The following FGF5 variants were observed in gnomAD, a reference collection of about 807,000 sequenced individuals.
The protein encoded by FGF5 is fibroblast growth factor 5, also known as heparin-binding growth factor 5.
Under a neutral mutation model 21.8 loss-of-function variants are expected in FGF5, and 23 were observed. The observed-to-expected ratio is 1.05, with a 90% confidence interval of 0.76 to 1.49. The LOEUF (loss-of-function observed/expected upper bound fraction) is 1.49, where lower values mean the gene tolerates loss of function less well. FGF5 is among the 40% of genes most tolerant of loss of function. FGF5 has a pLI of 0.00. For missense variants in FGF5, 352 were observed against 332.9 expected (o/e 1.06, Z -0.45); for synonymous variants, 158 against 124.0 (o/e 1.27, Z -1.82).
chr4:80,269,198 G>T (rs903272684), intron 1 of FGF5, among the ~76,000 whole-genome samples: 1 of 152,142 alleles, frequency 6.6e-6, no homozygotes, highest in African/African-American at 2.4e-5. Flanking sequence ...CACTCTCCCT[G>T]GGTACATGAC....
chr4:80,284,191 T>C (rs1164626567), intron 2 of FGF5, among the ~76,000 whole-genome samples: 1 of 152,130 alleles, frequency 6.6e-6, no homozygotes, highest in Non-Finnish European at 1.5e-5. Flanking sequence ...CCCAGCACTT[T>C]GGGAGGCCGA....
chr4:80,281,968 CT>C (rs112480507), intron 2 of FGF5, among the ~76,000 whole-genome samples: 60 of 145,914 alleles, frequency 4.1e-4, no homozygotes, highest in East Asian at 1.0e-3. Context: ...TGAAAAAGTT[CT>C]TTTTTTTTTT....
At position 80,286,662 on chromosome 4, in the gene FGF5, GC is replaced by G; in HGVS notation, c.798del (p.Phe267LeufsTer50). On this transcript the variant is annotated frameshift_variant, in exon 3 of 3. Coordinates refer to ENST00000312465, the MANE Select transcript of FGF5 (RefSeq NM_004464.4). LOFTEE classifies it high-confidence loss of function. ...TCAGTGAAATACAGACTCAAGTTTC[GC>G]TTTGGATAATATTCCTCTTGGCCTT... is the stretch of plus-strand genomic sequence containing the variant. ...TNSVKYRLKF[R>X]FG The G allele has an allele frequency of 6.2e-7, 1 of 1,612,950 alleles. No homozygotes were observed. The highest frequency in any genetic ancestry group is 8.5e-7 in the Non-Finnish European group (1 of 1,179,338).
rs764750296 is a variant in FGF5 at position 80,286,514 on chromosome 4, CCAAGATTCAAG to C, written c.652_662del (p.Arg218ValfsTer14). On this transcript the variant is annotated frameshift_variant, in exon 3 of 3. Transcript: ENST00000312465. LOFTEE classifies it high-confidence loss of function. The stretch of plus-strand genomic sequence containing the variant: ...CCAGCATATCTCTACCCATTTTCTG[CCAAGATTCAAG>C]CAGTCGGAGCAGCCAGAACTTTCTT... 1 of 1,614,010 alleles carries C rather than the reference CCAAGATTCAAG, an allele frequency of 6.2e-7. No homozygotes were observed. The highest frequency in any genetic ancestry group is 1.7e-5 in the Admixed American group (1 of 59,988).
At position 80,275,083 on chromosome 4, in the gene FGF5, C is replaced by G. The variant is rs912820979; in HGVS notation, c.459+71C>G. 6.3e-6 allele frequency: 4 copies of G among 630,460 alleles called. No individual in the cohort carries two copies. In the African/African-American group the frequency reaches 7.7e-5, roughly 12 times the overall value. 39.1% of individuals were successfully genotyped at this position (630,460 alleles called of 1,614,324 possible). ...TACATTTGTAAAACAGAATAATTTT[C>G]CAAATTCATAGGTAAGAAAATTTGC... On this transcript the variant is annotated intron_variant, in intron 2 of 2. Coordinates refer to ENST00000312465, the MANE Select transcript of FGF5 (RefSeq NM_004464.4).
At chr4:80,277,648 C>T (rs1378260933) in intron 2 of FGF5, among the ~76,000 whole-genome samples, 1 of 151,912 alleles carries the variant, frequency 6.6e-6, no homozygotes, top group Non-Finnish European at 1.5e-5. Context: ...TTTACATCAT[C>T]CCCAAAAAAG....
chr4:80,272,439 T>A (rs1444066799), intron 1 of FGF5, among the ~76,000 whole-genome samples: 1 of 152,146 alleles, frequency 6.6e-6, no homozygotes, highest in Non-Finnish European at 1.5e-5. Context: ...TGTATTGAAA[T>A]ACATGTTAAA....
At chr4:80,274,633 G>T (rs1167499368) in intron 1 of FGF5, among the ~76,000 whole-genome samples, 1 of 151,974 alleles carries the variant, frequency 6.6e-6, no homozygotes, top group African/African-American at 2.4e-5. Context: ...AAAACTTCAT[G>T]CTCATTGTTT....
intron 2 of FGF5, among the ~76,000 whole-genome samples, chr4:80,284,776 A>C (rs1046551767): frequency 6.6e-6 from 1 of 152,226 alleles, no homozygotes; most frequent in Non-Finnish European, 1.5e-5. Flanking sequence ...TCAGATTTTT[A>C]GATTTCTGTG....
intron 2 of FGF5, among the ~76,000 whole-genome samples, chr4:80,284,045 G>A (rs1720640026): frequency 6.6e-6 from 1 of 152,242 alleles, no homozygotes; most frequent in Non-Finnish European, 1.5e-5. Context: ...CTTCGAAAGT[G>A]ATGTCAGCAT....
rs535251199 is a variant in FGF5, at chr4:80,272,656, T to G, written c.356-2253T>G. On this transcript the variant is annotated intron_variant, in intron 1 of 2. Transcript: ENST00000312465. The stretch of plus-strand genomic sequence containing the variant: ...TATTTTTTCATTAATATACAATATA[T>G]CTGCATGTTCAAAACCAGATAATTT... 6.6e-5 allele frequency among the ~76,000 whole-genome samples: 10 copies of G among 152,232 alleles called. No individual in the cohort carries two copies. In the South Asian group the frequency reaches 1.2e-3, roughly 19 times the overall value.
At position 80,286,469 on chromosome 4, in the gene FGF5, T is replaced by C; in HGVS notation, c.604T>C (p.Cys202Arg). Residue 202 changes from cysteine to arginine, a missense_variant, in exon 3 of 3, where the codon TGC (cysteine) becomes CGC (arginine). Cys to Arg is a radical substitution (Grantham distance 180, BLOSUM62 -3). Transcript: ENST00000312465. Reference protein sequence around the residue: ...LNKRGKAKRGCSPRVKPQHIS... With the variant: ...LNKRGKAKRGRSPRVKPQHIS... ...TAAAAGAGGAAAAGCCAAACGAGGG[T>C]GCAGCCCCCGGGTTAAACCCCAGCA... 7 of 1,613,902 alleles carry C rather than the reference T, an allele frequency of 4.3e-6. No homozygotes were observed. The highest frequency in any genetic ancestry group is 5.9e-6 in the Non-Finnish European group (7 of 1,179,948).
intron 1 of FGF5, among the ~76,000 whole-genome samples, chr4:80,269,434 G>C (rs915159988): frequency 6.6e-6 from 1 of 152,112 alleles, no homozygotes; most frequent in East Asian, 1.9e-4. Flanking sequence ...CTTGCTAGAG[G>C]GGGTGTTGTA....
chr4:80,286,513 G>A lies in FGF5; in HGVS notation c.648G>A (p.Leu216=). Residue 216 remains leucine (L), a synonymous_variant, in exon 3 of 3, where the codon CTG becomes CTA. Coordinates refer to ENST00000312465, the MANE Select transcript of FGF5 (RefSeq NM_004464.4). The part of the protein sequence containing the change: ...VKPQHISTHF[L]PRFKQSEQPE... ...CCCAGCATATCTCTACCCATTTTCT[G>A]CCAAGATTCAAGCAGTCGGAGCAGC... 6.2e-7 allele frequency: 1 copy of A among 1,614,000 alleles called. No homozygotes were observed. The highest frequency in any genetic ancestry group is 8.5e-7 in the Non-Finnish European group (1 of 1,179,986).
In FGF5 at chr4:80,286,609, C is replaced by G; in HGVS notation, c.744C>G (p.Pro248=). The part of the protein sequence containing the change: ...KPPSPIKPKI[P]LSAPRKNTNS... ...CTAGCCCTATCAAGCCAAAGATTCCCCTTTCTGCACCTCGGAAAAATACCA... is the reference window on the plus strand; with the variant it reads ...CTAGCCCTATCAAGCCAAAGATTCCGCTTTCTGCACCTCGGAAAAATACCA... Residue 248 remains proline (P), a synonymous_variant, in exon 3 of 3, where the codon CCC becomes CCG. Coordinates refer to ENST00000312465, the MANE Select transcript of FGF5 (RefSeq NM_004464.4). 2.5e-6 allele frequency: 4 copies of G among 1,614,036 alleles called. No individual in the cohort carries two copies. Among genetic ancestry groups the G allele is most frequent in the Non-Finnish European group, 3.4e-6 (4 of 1,179,962 alleles).
chr4:80,286,548 C>A lies in FGF5; in HGVS notation c.683C>A (p.Ser228Tyr). 6.2e-7 allele frequency: 1 copy of A among 1,614,038 alleles called. No individual in the cohort carries two copies. The highest frequency in any genetic ancestry group is 8.5e-7 in the Non-Finnish European group (1 of 1,179,980). Reference sequence around the variant, plus strand: ...AAGCAGTCGGAGCAGCCAGAACTTTCTTTCACGGTTACTGTTCCTGAAAAG... The same window carrying A: ...AAGCAGTCGGAGCAGCCAGAACTTTATTTCACGGTTACTGTTCCTGAAAAG... ...RFKQSEQPELSFTVTVPEKKK... is the reference protein window; with the variant it reads ...RFKQSEQPELYFTVTVPEKKK... The change falls in exon 3 of 3, where the codon TCT (serine) becomes TAT (tyrosine). Residue 228 changes from serine to tyrosine, a missense_variant. Physicochemically the swap from Ser to Tyr is moderately radical, Grantham distance 144 (BLOSUM62 -2). Coordinates refer to ENST00000312465, the MANE Select transcript of FGF5 (RefSeq NM_004464.4).
chr4:80,271,587 T>C (rs1720274285), intron 1 of FGF5, among the ~76,000 whole-genome samples: 1 of 152,164 alleles, frequency 6.6e-6, no homozygotes, highest in South Asian at 2.1e-4. Context: ...CACCTGTCCA[T>C]ACTTGTGTAT....
chr4:80,288,633 T>A lies in FGF5; in HGVS notation c.*1961T>A, dbSNP rs977012457. ...TTTATTCTAATCTATTGTTAAGTAT[T>A]GTGCACTGTATACCAAGTTCTTAGG... is the stretch of plus-strand genomic sequence containing the variant. On this transcript the variant is annotated 3_prime_UTR_variant, in exon 3 of 3. Coordinates refer to ENST00000312465, the MANE Select transcript of FGF5 (RefSeq NM_004464.4). 4 of 152,504 alleles carry A rather than the reference T, an allele frequency of 2.6e-5. No individual in the cohort carries two copies. The highest frequency in any genetic ancestry group is 9.7e-5 in the African/African-American group (4 of 41,450). 9.4% of individuals were successfully genotyped at this position (152,504 alleles called of 1,614,324 possible).
At position 80,286,692 on chromosome 4, in the gene FGF5, A is replaced by G; in HGVS notation, c.*20A>G. ...GGATAATATTCCTCTTGGCCTTGTG[A>G]GAAACCATTCTTTCCCCTCAGGAGT... On this transcript the variant is annotated 3_prime_UTR_variant, in exon 3 of 3. Transcript: ENST00000312465. The G allele has an allele frequency of 6.3e-7, 1 of 1,592,870 alleles. No homozygotes were observed. The highest frequency in any genetic ancestry group is 1.1e-5 in the South Asian group (1 of 90,320).
Sources: gnomAD v4.1 joint callset for allele counts (sites outside exome capture counted in the v4.1 genomes callset) on GRCh38, gnomAD v4.1.1 for gene constraint, MANE v1.5 for transcripts, NCBI Gene and HGNC (gene_info 2026-07-23, HGNC 2026-07-21) for gene names.